TUSC3: variants seen among roughly 807,000 people sequenced by gnomAD.
The protein encoded by TUSC3 is dolichyl-diphosphooligosaccharide--protein glycosyltransferase subunit TUSC3.
TUSC3 carries 45 observed loss-of-function variants against 44.8 expected under a neutral mutation model. The ratio of observed to expected loss-of-function variants is 1.00; its 90% CI spans 0.79 to 1.29. TUSC3 has a LOEUF of 1.29. Ranked by LOEUF, TUSC3 falls within the 50% of genes most tolerant of loss-of-function variation. The probability of loss-of-function intolerance (pLI) is 0.00; values close to 1 mark genes in which losing one functional copy is unlikely to be tolerated. For synonymous variants in TUSC3, 212 were observed against 152.9 expected, an observed-to-expected ratio of 1.39 and a Z score of -2.85; for missense variants, 519 against 437.9, an observed-to-expected ratio of 1.19 and a Z score of -1.65.
At chr8:15,844,875 G>C in the TUSC3 span, among the ~76,000 whole-genome samples, 145,589 of 152,264 alleles carry the variant, frequency 0.96, 69,642 homozygotes, top group Non-Finnish European at 0.96. Flanking sequence ...GCATGAATAT[G>C]TGATACTCTG....
chr8:15,582,945 T>G (rs535450174), intron 1 of TUSC3, among the ~76,000 whole-genome samples: 1 of 152,202 alleles, frequency 6.6e-6, no homozygotes, highest in Non-Finnish European at 1.5e-5. Flanking sequence ...TACCTCAAAT[T>G]GCAATTCTTG....
chr8:15,813,710 T>A, the TUSC3 span, among the ~76,000 whole-genome samples: 1 of 152,326 alleles, frequency 6.6e-6, no homozygotes, highest in East Asian at 1.9e-4. Flanking sequence ...ATTGAGCTCC[T>A]TCTGTCTTTA....
At chr8:15,806,264 T>G in the TUSC3 span, 19 of 605,522 alleles carry the variant, frequency 3.1e-5, no homozygotes, top group African/African-American at 5.5e-5. Context: ...CAGGTGGCAG[T>G]CTGGGGATGT....
chr8:15,721,803 T>C (rs1236410491), intron 6 of TUSC3, among the ~76,000 whole-genome samples: 2 of 152,106 alleles, frequency 1.3e-5, no homozygotes, highest in Non-Finnish European at 2.9e-5. Context: ...AGTTTATGTT[T>C]AGAAGAAACT....
intron 1 of TUSC3, among the ~76,000 whole-genome samples, chr8:15,598,903 C>G (rs1395925789): frequency 6.6e-6 from 1 of 151,772 alleles, no homozygotes; most frequent in African/African-American, 2.4e-5. Context: ...TTATCAACAC[C>G]TCTTTACAGG....
At chr8:15,805,590 G>A in the TUSC3 span, among the ~76,000 whole-genome samples, 3 of 152,126 alleles carry the variant, frequency 2.0e-5, no homozygotes, top group Non-Finnish European at 2.9e-5. Context: ...AGATGATCAC[G>A]TGATTTTTGT....
At chr8:15,613,339 G>A (rs1804844721) in intron 1 of TUSC3, among the ~76,000 whole-genome samples, 2 of 151,942 alleles carry the variant, frequency 1.3e-5, no homozygotes, top group Admixed American at 6.6e-5. Flanking sequence ...AATTCCCACT[G>A]CAGATAATTC....
intron 2 of TUSC3, among the ~76,000 whole-genome samples, chr8:15,521,915 C>T (rs1162943427): frequency 6.6e-6 from 1 of 152,188 alleles, no homozygotes; most frequent in African/African-American, 2.4e-5. Context: ...ATTGTGGTTT[C>T]TGCAATTAAA....
chr8:15,493,251 C>T (rs943049655), intron 2 of TUSC3, among the ~76,000 whole-genome samples: 1 of 152,116 alleles, frequency 6.6e-6, no homozygotes, highest in Non-Finnish European at 1.5e-5. Context: ...AACTTTCAGA[C>T]ATCAACTTTT....
intron 1 of TUSC3, among the ~76,000 whole-genome samples, chr8:15,429,539 G>A (rs1038211229): frequency 1.3e-5 from 2 of 149,006 alleles, no homozygotes; most frequent in Admixed American, 6.6e-5. Context: ...GGATGGCATT[G>A]AATCTATAAA....
chr8:15,648,450 G>A (rs1779950576), intron 2 of TUSC3, among the ~76,000 whole-genome samples: 1 of 151,948 alleles, frequency 6.6e-6, no homozygotes, highest in South Asian at 2.1e-4. Flanking sequence ...ACGTTGGCTG[G>A]GCGCAGTGGC....
At chr8:15,486,117 G>A (rs1441753224) in intron 2 of TUSC3, among the ~76,000 whole-genome samples, 3 of 152,150 alleles carry the variant, frequency 2.0e-5, no homozygotes, top group Non-Finnish European at 4.4e-5. Context: ...TAAGTGAATT[G>A]AATAACAGAT....
intron 2 of TUSC3, among the ~76,000 whole-genome samples, chr8:15,517,521 G>GT (rs1801234294): frequency 1.8e-5 from 1 of 54,288 alleles, no homozygotes; most frequent in Non-Finnish European, 3.1e-5. Flanking sequence ...TTAGCGTGAG[G>GT]CAAAAAAAAA....
At chr8:15,448,078 A>G (rs1218940165) in intron 1 of TUSC3, among the ~76,000 whole-genome samples, 1 of 62,638 alleles carries the variant, frequency 1.6e-5, no homozygotes, top group African/African-American at 4.8e-5. Flanking sequence ...CTGTCAGGGC[A>G]GAAAATTCAA....
At chr8:15,573,624 C>T (rs1020379523) in intron 1 of TUSC3, among the ~76,000 whole-genome samples, 3 of 151,932 alleles carry the variant, frequency 2.0e-5, no homozygotes, top group African/African-American at 7.3e-5. Context: ...GGTGTCACAG[C>T]TGAGGAAGTT....
the TUSC3 span, among the ~76,000 whole-genome samples, chr8:15,779,395 AATT>A: frequency 6.6e-6 from 1 of 152,140 alleles, no homozygotes; most frequent in Non-Finnish European, 1.5e-5. Context: ...AAAAAATAAA[AATT>A]ATCCAAAAAT....
At chr8:15,424,306 A>G (rs1407248900) in intron 1 of TUSC3, among the ~76,000 whole-genome samples, 1 of 151,918 alleles carries the variant, frequency 6.6e-6, no homozygotes, top group Non-Finnish European at 1.5e-5. Context: ...TCAGGAGTGT[A>G]TCACCGCCCC....
Position 15,468,940 on chromosome 8 carries a change from C to A in TUSC3, n.92-14446C>A, listed in dbSNP as rs547016129. Among the ~76,000 whole-genome samples the A allele has an allele frequency of 1.5e-4, 22 of 149,580 alleles. 1 individual carries two copies. The highest frequency in any genetic ancestry group is 5.1e-4 in the African/African-American group (21 of 40,828). On this transcript the variant is annotated intron_variant and non_coding_transcript_variant, in intron 1 of 5. Transcript: ENST00000503191. The stretch of plus-strand genomic sequence containing the variant: ...TTAAAAAAAAAAACCCAGGTGCTGA[C>A]TTAAAAATAATGAGGGAGGCAGATG...
chr8:15,648,876 G>A (rs1447453382), intron 2 of TUSC3, among the ~76,000 whole-genome samples: 1 of 151,626 alleles, frequency 6.6e-6, no homozygotes. Context: ...TCCATGAAGA[G>A]CCCTTTGTGT....
Sources: gnomAD v4.1 joint callset for allele counts (sites outside exome capture counted in the v4.1 genomes callset) on GRCh38, gnomAD v4.1.1 for gene constraint, MANE v1.5 for transcripts, NCBI Gene and HGNC (gene_info 2026-07-23, HGNC 2026-07-21) for gene names.